Variants in SLBP observed in about 807,000 individuals in gnomAD.
SLBP encodes the protein stem-loop histone mRNA binding protein, also known as histone RNA hairpin-binding protein.
A neutral mutation model predicts 39.2 loss-of-function variants in SLBP; 29 were observed. The observed-to-expected ratio is 0.74, with a 90% confidence interval of 0.55 to 1.01. The LOEUF (loss-of-function observed/expected upper bound fraction) is 1.01. Ranked by LOEUF, SLBP falls within the 50% of genes least tolerant of loss-of-function variation. The pLI, the probability that SLBP is intolerant of heterozygous loss-of-function variation, is 0.00. For synonymous variants in SLBP, 129 were observed against 118.7 expected (o/e 1.09, Z -0.57); for missense variants, 390 against 350.2 (o/e 1.11, Z -0.91).
chr4:1,708,777 T>A (rs947489735), intron 2 of SLBP, among the ~76,000 whole-genome samples: 3 of 152,242 alleles, frequency 2.0e-5, no homozygotes, highest in African/African-American at 7.2e-5. Flanking sequence ...CTTCTAGATC[T>A]TATCCATCAA....
At chr4:1,710,107 G>A (rs2108666218) in intron 2 of SLBP, among the ~76,000 whole-genome samples, 1 of 151,634 alleles carries the variant, frequency 6.6e-6, no homozygotes, top group African/African-American at 2.4e-5. Flanking sequence ...TCGAACTCCT[G>A]ACCTCAGGTG....
intron 4 of SLBP, 64 bp downstream of exon 4, chr4:1,699,947 T>A (rs1716261339): frequency 6.4e-6 from 3 of 469,942 alleles, no homozygotes; most frequent in Non-Finnish European, 9.6e-6. Context: ...ACAGTCACAA[T>A]TTTTTTTTTT....
intron 3 of SLBP, among the ~76,000 whole-genome samples, chr4:1,703,228 C>A (rs965320510): frequency 9.3e-6 from 1 of 107,256 alleles, no homozygotes; most frequent in Non-Finnish European, 1.9e-5. Flanking sequence ...CAGAGCGAGA[C>A]TGTCTCAAAA....
rs752838621 is a variant in SLBP at position 1,703,675 on chromosome 4, G to C, written c.202C>G (p.Pro68Ala). Residue 68 changes from proline to alanine, a missense_variant, in exon 3 of 8, where the codon CCC becomes GCC. Pro to Ala is a conservative substitution (Grantham distance 27). Coordinates refer to ENST00000489418, the MANE Select transcript of SLBP (RefSeq NM_006527.4). ...GCCCAGTCAGAGCATCTGGAACGGG[G>C]TTTAGGGCCTTCAGGAGTGGTAAAG... ...ESFTTPEGPK[P>A]RSRCSDWASA... The C allele has an allele frequency of 1.2e-6, 2 of 1,613,308 alleles. No individual in the cohort carries two copies. Among genetic ancestry groups the C allele is most frequent in the Admixed American group, 1.7e-5 (1 of 60,016 alleles).
intron 2 of SLBP, among the ~76,000 whole-genome samples, chr4:1,707,607 TTTTA>T (rs932417481): frequency 6.6e-6 from 1 of 152,164 alleles, no homozygotes; most frequent in African/African-American, 2.4e-5. Flanking sequence ...AAACTCACAT[TTTTA>T]TTTTTCTACC....
chr4:1,711,153 AT>A (rs56291020), intron 2 of SLBP, among the ~76,000 whole-genome samples: 45,723 of 145,726 alleles, frequency 0.31, 8,163 homozygotes, highest in East Asian at 0.69. Context: ...GTTGGGTCCG[AT>A]TTTTTTTTTT....
At chr4:1,707,610 T>C (rs1560258524) in intron 2 of SLBP, among the ~76,000 whole-genome samples, 1 of 152,232 alleles carries the variant, frequency 6.6e-6, no homozygotes, top group Non-Finnish European at 1.5e-5. Context: ...CTCACATTTT[T>C]ATTTTTCTAC....
intron 5 of SLBP, 90 bp downstream of exon 5, chr4:1,699,474 C>A: frequency 7.8e-7 from 1 of 1,276,936 alleles, no homozygotes; most frequent in Non-Finnish European, 1.1e-6. Context: ...GAACTATCCC[C>A]AGCATCATTT....
chr4:1,703,186 G>A (rs1233122288), intron 3 of SLBP, among the ~76,000 whole-genome samples: 2 of 149,866 alleles, frequency 1.3e-5, no homozygotes, highest in African/African-American at 2.5e-5. Flanking sequence ...GCAGTGAGCC[G>A]AGATCTTGTC....
intron 2 of SLBP, among the ~76,000 whole-genome samples, chr4:1,711,601 T>G (rs892364848): frequency 1.4e-4 from 22 of 152,142 alleles, no homozygotes; most frequent in African/African-American, 4.8e-4. Context: ...GACCCTGACC[T>G]CTCCCGGGAG....
intron 2 of SLBP, among the ~76,000 whole-genome samples, chr4:1,710,036 C>T (rs559557698): frequency 6.6e-6 from 1 of 152,304 alleles, no homozygotes; most frequent in African/African-American, 2.4e-5. Context: ...TCTTCTCATT[C>T]CGGGTAAGTG....
intron 2 of SLBP, among the ~76,000 whole-genome samples, chr4:1,707,611 A>C (rs1355832522): frequency 6.6e-6 from 1 of 152,152 alleles, no homozygotes; most frequent in Non-Finnish European, 1.5e-5. Context: ...TCACATTTTT[A>C]TTTTTCTACC....
At chr4:1,705,499 T>C (rs1716484130) in intron 2 of SLBP, among the ~76,000 whole-genome samples, 1 of 152,194 alleles carries the variant, frequency 6.6e-6, no homozygotes, top group African/African-American at 2.4e-5. Context: ...CTTGTTTTAT[T>C]TTGTCAGATT....
intron 5 of SLBP, among the ~76,000 whole-genome samples, chr4:1,699,181 G>T (rs768510360): frequency 1.3e-5 from 2 of 152,136 alleles, no homozygotes; most frequent in Non-Finnish European, 2.9e-5. Flanking sequence ...ACCAGGATAG[G>T]CAAGAACATG....
At chr4:1,702,161 C>G (rs971290579) in intron 3 of SLBP, among the ~76,000 whole-genome samples, 6 of 152,208 alleles carry the variant, frequency 3.9e-5, no homozygotes, top group Non-Finnish European at 8.8e-5. Flanking sequence ...AAGAACTGTT[C>G]TAAGACTTGT....
chr4:1,702,080 C>T (rs1001389395), intron 3 of SLBP, among the ~76,000 whole-genome samples: 1 of 152,150 alleles, frequency 6.6e-6, no homozygotes, highest in Non-Finnish European at 1.5e-5. Flanking sequence ...AGGTGGAATA[C>T]GCATGAATAA....
In SLBP at chr4:1,699,646, T is replaced by C. The variant is rs756486656; in HGVS notation, c.397A>G (p.Ser133Gly). ...TGCTTCTGTCTCCTCATTAGGACAC[T>C]TTCATCTGTCTCAAAGTCAGCCGGC... ...TVPADFETDE[S>G]VLMRRQKQIN... Residue 133 changes from serine (S) to glycine (G), a missense_variant, in exon 5 of 8, where the codon AGT (serine) becomes GGT (glycine). Ser to Gly is a moderately conservative substitution (Grantham distance 56). Transcript: ENST00000489418. 2.9e-5 allele frequency: 47 copies of C among 1,613,576 alleles called. No individual in the cohort carries two copies. The highest frequency in any genetic ancestry group is 3.8e-5 in the Non-Finnish European group (45 of 1,179,460).
intron 5 of SLBP, among the ~76,000 whole-genome samples, chr4:1,698,380 C>A (rs1716199695): frequency 7.1e-6 from 1 of 141,406 alleles, no homozygotes; most frequent in Non-Finnish European, 1.6e-5. Context: ...TGCACTTCAG[C>A]CTAGGTAACA....
chr4:1,708,860 G>C (rs1716622189), intron 2 of SLBP, among the ~76,000 whole-genome samples: 2 of 152,160 alleles, frequency 1.3e-5, no homozygotes, highest in Admixed American at 1.3e-4. Flanking sequence ...AAAGGCCCTA[G>C]GACAGAAGCA....
Sources: allele counts gnomAD v4.1 joint callset (sites outside exome capture counted in the v4.1 genomes callset), GRCh38; gene constraint gnomAD v4.1.1; transcripts MANE v1.5; gene names NCBI Gene and HGNC (gene_info 2026-07-23, HGNC 2026-07-21).